Variants in TRPA1 observed in about 807,000 individuals in gnomAD.
TRPA1 encodes the protein ankyrin-like with transmembrane domains 1.
Under a neutral mutation model 131.3 loss-of-function variants are expected in TRPA1, and 129 were observed. The ratio of observed to expected loss-of-function variants is 0.98; its 90% CI spans 0.85 to 1.14. TRPA1 has a LOEUF of 1.14. Among genes scored for constraint, TRPA1 ranks in the 50% most tolerant of loss-of-function variants. The probability of loss-of-function intolerance (pLI) is 0.00; values close to 1 mark genes in which losing one functional copy is unlikely to be tolerated. For synonymous variants in TRPA1, 441 were observed against 451.7 expected (o/e 0.98, Z 0.30); for missense variants, 1,304 against 1,354.2 (o/e 0.96, Z 0.58).
chr8:72,021,650 G>C lies in TRPA1; in HGVS notation c.*1256C>G, dbSNP rs774775457. 7 of 151,976 alleles carry C rather than the reference G, an allele frequency of 4.6e-5. No individual in the cohort carries two copies. Among genetic ancestry groups the C allele is most frequent in the Non-Finnish European group, 5.9e-5 (4 of 67,992 alleles). 9.4% of individuals were successfully genotyped at this position (151,976 alleles called of 1,614,324 possible). ...GTATGTTTGAGAATGAGTGCAGGAAGGTGGAGGTAACCAAGCTGTCCATCT... is the reference window on the plus strand; with the variant it reads ...GTATGTTTGAGAATGAGTGCAGGAACGTGGAGGTAACCAAGCTGTCCATCT... On this transcript the variant is annotated 3_prime_UTR_variant, in exon 27 of 27. Coordinates refer to ENST00000262209, the MANE Select transcript of TRPA1 (RefSeq NM_007332.3).
In TRPA1 at chr8:72,039,806, TAAAAA is replaced by T. The variant is rs200474831; in HGVS notation, c.2062-14_2062-10del. The T allele has an allele frequency of 6.3e-7, 1 of 1,582,932 alleles. No homozygotes were observed. Among genetic ancestry groups the T allele is most frequent in the South Asian group, 1.1e-5 (1 of 90,442 alleles). Reference sequence around the variant, plus strand: ...TTATTTTGTACCATTGCCTGAGAAATAAAAAAAAGTGTAATAAAAACACAATCATA... The same window carrying T: ...TTATTTTGTACCATTGCCTGAGAAATAAAGTGTAATAAAAACACAATCATA... On this transcript the variant is annotated splice_polypyrimidine_tract_variant and intron_variant, in intron 17 of 26. Transcript: ENST00000262209.
chr8:72,028,515 G>A (rs1472879926), intron 24 of TRPA1, among the ~76,000 whole-genome samples: 1 of 152,098 alleles, frequency 6.6e-6, no homozygotes, highest in East Asian at 1.9e-4. Flanking sequence ...CCCCCTCCAT[G>A]TTGCATTCTC....
At chr8:72,078,107 T>A (rs1398240941), upstream of TRPA1, among the ~76,000 whole-genome samples, 2 of 151,782 alleles carry the variant, frequency 1.3e-5, no homozygotes, top group Non-Finnish European at 2.9e-5. Flanking sequence ...ACCAAAATTC[T>A]CCTTAATTAT....
rs1480064269 is a variant in TRPA1, at chr8:72,022,094, G to A, written c.*812C>T. On this transcript the variant is annotated 3_prime_UTR_variant, in exon 27 of 27. Coordinates refer to ENST00000262209, the MANE Select transcript of TRPA1 (RefSeq NM_007332.3). ...TGAAAAGATTAATGATGAGGTATGT[G>A]ATTAATTCATGATTTGAGTAGACAT... The A allele has an allele frequency of 6.6e-6, 1 of 152,118 alleles. No homozygotes were observed. Among genetic ancestry groups the A allele is most frequent in the Non-Finnish European group, 1.5e-5 (1 of 68,056 alleles). 9.4% of individuals were successfully genotyped at this position (152,118 alleles called of 1,614,324 possible).
At chr8:72,027,312 C>T (rs1361498253) in intron 24 of TRPA1, among the ~76,000 whole-genome samples, 1 of 152,070 alleles carries the variant, frequency 6.6e-6, no homozygotes, top group Non-Finnish European at 1.5e-5. Context: ...AAGCAAAGCC[C>T]CAAGTCCAGT....
upstream of TRPA1, among the ~76,000 whole-genome samples, chr8:72,075,960 A>G (rs1051365032): frequency 1.3e-5 from 2 of 151,366 alleles, no homozygotes; most frequent in African/African-American, 4.9e-5. Context: ...GACTGGGTAT[A>G]TTGGAAAGAT....
intron 8 of TRPA1, among the ~76,000 whole-genome samples, chr8:72,058,226 T>A (rs974056263): frequency 6.6e-6 from 1 of 152,166 alleles, no homozygotes; most frequent in African/African-American, 2.4e-5. Flanking sequence ...CAAAACACCA[T>A]TCACTTTTTT....
rs748911824 is a variant in TRPA1 at position 72,025,973 on chromosome 8, C to T, written c.3038G>A (p.Gly1013Asp). 2 of 1,613,168 alleles carry T rather than the reference C, an allele frequency of 1.2e-6. No individual in the cohort carries two copies. The highest frequency in any genetic ancestry group is 4.5e-5 in the East Asian group (2 of 44,870). ...TIVYPNKPRS[G>D]GMLFHIFCFL... Reference sequence around the variant, plus strand: ...ATGTGTACTTACGAATAACATCCCACCAGATCTGGGTTTGTTGGGATACAC... The same window carrying T: ...ATGTGTACTTACGAATAACATCCCATCAGATCTGGGTTTGTTGGGATACAC... The change falls in exon 25 of 27, where the codon GGT becomes GAT. Residue 1013 changes from glycine (G) to aspartate (D), a missense_variant. Coordinates refer to ENST00000262209, the MANE Select transcript of TRPA1 (RefSeq NM_007332.3).
At chr8:72,066,820 G>A (rs1261483199) in intron 3 of TRPA1, among the ~76,000 whole-genome samples, 1 of 152,132 alleles carries the variant, frequency 6.6e-6, no homozygotes, top group East Asian at 1.9e-4. Flanking sequence ...TATGTGGCAG[G>A]GATCCCAGAG....
In TRPA1 at chr8:72,062,831, G is replaced by A. The variant is rs538077357; in HGVS notation, c.775C>T (p.Leu259=). The change falls in exon 6 of 27, where the codon CTG becomes TTG. Residue 259 remains leucine, a synonymous_variant. Transcript: ENST00000262209. ...NGDLEMIKMC[L]DNGAQIDPVE... is the part of the protein sequence containing the mutation. ...GGGTCTATTTGTGCACCATTGTCCAGGCACATTTTGATCATTTCCAAGTCA... is the reference window on the plus strand; with the variant it reads ...GGGTCTATTTGTGCACCATTGTCCAAGCACATTTTGATCATTTCCAAGTCA... The A allele has an allele frequency of 7.4e-5, 120 of 1,614,024 alleles. No homozygotes were observed. In the South Asian group the frequency reaches 1.3e-3, roughly 17 times the overall value.
rs569148037 is a variant in TRPA1, at chr8:72,063,531, C to T, written c.593G>A (p.Gly198Glu). 6.2e-7 allele frequency: 1 copy of T among 1,613,744 alleles called. No homozygotes were observed. Among genetic ancestry groups the T allele is most frequent in the African/African-American group, 1.3e-5 (1 of 75,010 alleles). ...TGCAGCTTGGTGAATAGGGAAACAT[C>T]CCCATTTATTTGATTTACATGGCTT... ...GAKPCKSNKW[G>E]CFPIHQAAFS... Residue 198 changes from glycine to glutamate, a missense_variant, in exon 5 of 27, where the codon GGA becomes GAA. Gly to Glu is a moderately conservative substitution (Grantham distance 98). Transcript: ENST00000262209.
intron 24 of TRPA1, 62 bp from the exon 25 acceptor site, chr8:72,026,135 C>A: frequency 8.0e-7 from 1 of 1,249,620 alleles, no homozygotes; most frequent in Non-Finnish European, 1.2e-6. Context: ...TTTTATATGG[C>A]ACAGAGGCAA....
At chr8:72,070,038 T>G (rs1164867062) in intron 2 of TRPA1, among the ~76,000 whole-genome samples, 2 of 152,234 alleles carry the variant, frequency 1.3e-5, no homozygotes, top group Non-Finnish European at 1.5e-5. Context: ...TATGGTACTA[T>G]GTACCCCGTG....
At chr8:72,023,140 G>T (rs373412522) in intron 26 of TRPA1, 24 bp from the exon 27 acceptor site, 3 of 1,605,028 alleles carry the variant, frequency 1.9e-6, no homozygotes, top group African/African-American at 1.3e-5. Flanking sequence ...CACATTTCAT[G>T]AATTTATTTT....
intron 3 of TRPA1, 88 bp from the exon 4 acceptor site, chr8:72,065,646 C>A: frequency 1.1e-6 from 1 of 896,960 alleles, no homozygotes; most frequent in Non-Finnish European, 1.8e-6. Context: ...TTTTCAAATA[C>A]CAGGGACCAT....
At chr8:72,071,358 T>C (rs1465025197) in intron 2 of TRPA1, among the ~76,000 whole-genome samples, 1 of 152,226 alleles carries the variant, frequency 6.6e-6, no homozygotes, top group Non-Finnish European at 1.5e-5. Flanking sequence ...ATGGTACACC[T>C]TCTTGAGGTG....
At chr8:72,069,906 T>C (rs943560487) in intron 2 of TRPA1, among the ~76,000 whole-genome samples, 2 of 152,142 alleles carry the variant, frequency 1.3e-5, no homozygotes, top group African/African-American at 4.8e-5. Flanking sequence ...GCCTGGCCTG[T>C]AGCAATGATT....
chr8:72,055,892 C>T (rs550775799), intron 10 of TRPA1, 37 bp from the exon 11 acceptor site: 68 of 1,599,762 alleles, frequency 4.3e-5, no homozygotes, highest in Non-Finnish European at 5.7e-5. Context: ...AATAACTCTG[C>T]TATTATGCTA....
chr8:72,055,310 A>C, intron 12 of TRPA1, 126 bp downstream of exon 12: 1 of 783,144 alleles, frequency 1.3e-6, no homozygotes, highest in Non-Finnish European at 2.1e-6. Flanking sequence ...TGATGAAAAA[A>C]TAAATTGGAT....
Sources: allele counts gnomAD v4.1 joint callset (sites outside exome capture counted in the v4.1 genomes callset), GRCh38; gene constraint gnomAD v4.1.1; transcripts MANE v1.5; gene names NCBI Gene and HGNC (gene_info 2026-07-23, HGNC 2026-07-21).